FAM3B: variants seen among roughly 807,000 people sequenced by gnomAD.
FAM3B encodes the protein protein FAM3B.
Under a neutral mutation model 28.4 loss-of-function variants are expected in FAM3B, and 29 were observed. That is an observed-to-expected ratio of 1.02 (90% confidence interval 0.76 to 1.39). The LOEUF is 1.39. Among genes scored for constraint, FAM3B ranks in the 40% most tolerant of loss-of-function variants. The pLI is 0.00. For synonymous variants in FAM3B, 91 were observed against 103.0 expected, an observed-to-expected ratio of 0.88 and a Z score of 0.71; for missense variants, 266 against 293.9, an observed-to-expected ratio of 0.91 and a Z score of 0.69.
intron 3 of FAM3B, among the ~76,000 whole-genome samples, chr21:41,340,025 T>C (rs1474241629): frequency 6.6e-6 from 1 of 152,142 alleles, no homozygotes; most frequent in African/African-American, 2.4e-5. Context: ...ATGGGAGGTC[T>C]GCTGGTATCA....
chr21:41,342,681 A>G (rs2089018568), intron 3 of FAM3B, among the ~76,000 whole-genome samples: 1 of 152,188 alleles, frequency 6.6e-6, no homozygotes, highest in Admixed American at 6.5e-5. Context: ...TTCTTTTTAA[A>G]ATCAGCATGT....
At chr21:41,341,352 C>T (rs539441676) in intron 3 of FAM3B, among the ~76,000 whole-genome samples, 32 of 152,182 alleles carry the variant, frequency 2.1e-4, no homozygotes, top group African/African-American at 4.8e-4. Context: ...TATGATAAGG[C>T]GAGCAGTTGT....
intron 1 of FAM3B, among the ~76,000 whole-genome samples, chr21:41,307,530 G>A (rs2088688738): frequency 6.6e-6 from 1 of 152,154 alleles, no homozygotes; most frequent in African/African-American, 2.4e-5. Context: ...GGCCTCTATT[G>A]GCTTTTAATA....
chr21:41,348,963 T>A (rs2089089881), intron 7 of FAM3B, among the ~76,000 whole-genome samples: 1 of 152,256 alleles, frequency 6.6e-6, no homozygotes, highest in Admixed American at 6.5e-5. Flanking sequence ...CAACATGGTC[T>A]GTCCTGGGCC....
chr21:41,353,226 T>C (rs1484965894), intron 7 of FAM3B, among the ~76,000 whole-genome samples: 2 of 152,232 alleles, frequency 1.3e-5, no homozygotes, highest in Non-Finnish European at 2.9e-5. Context: ...AAGATGTCAA[T>C]ACTTTCTTAA....
intron 7 of FAM3B, 133 bp downstream of exon 7, chr21:41,348,857 AT>A: frequency 1.0e-6 from 1 of 976,860 alleles, no homozygotes; most frequent in Non-Finnish European, 1.5e-6. Flanking sequence ...TGAGATCAGC[AT>A]TAGATCCGGA....
chr21:41,342,304 C>T (rs1281548538), intron 3 of FAM3B, among the ~76,000 whole-genome samples: 2 of 152,182 alleles, frequency 1.3e-5, no homozygotes, highest in African/African-American at 2.4e-5. Context: ...AACATTTGTA[C>T]TCCAATGTGT....
chr21:41,326,616 G>A lies in FAM3B; in HGVS notation c.163+3550G>A, dbSNP rs1036889301. On this transcript the variant is annotated intron_variant, in intron 2 of 7. Coordinates refer to ENST00000357985, the MANE Select transcript of FAM3B (RefSeq NM_058186.4). This position sits in a 1 kb window ranked among gnomAD's most constrained non-coding sequence, Gnocchi z 4.0. Reference sequence around the variant, plus strand: ...GGCTGACGGGCTGCCAGGCCCTGGCGTGGGGACCTGCTCGTTCTGCTGCCG... The same window carrying A: ...GGCTGACGGGCTGCCAGGCCCTGGCATGGGGACCTGCTCGTTCTGCTGCCG... Among the ~76,000 whole-genome samples the A allele has an allele frequency of 1.3e-5, 2 of 152,258 alleles. No individual in the cohort carries two copies. The highest frequency in any genetic ancestry group is 6.5e-5 in the Admixed American group (1 of 15,290).
In FAM3B at chr21:41,322,975, G is replaced by A. The variant is rs763100454; in HGVS notation, c.72G>A (p.Ser24=). 5.8e-5 allele frequency: 94 copies of A among 1,612,620 alleles called. No homozygotes were observed. Among genetic ancestry groups the A allele is most frequent in the Non-Finnish European group, 7.1e-5 (84 of 1,180,042 alleles). ...TCGCCTCCTTGTGTGCCTGGTATTC[G>A]GGGTACCTGCTCGCAGAGCTCATTC... The part of the protein sequence containing the change: ...VVFASLCAWY[S]GYLLAELIPD... Residue 24 remains serine, a synonymous_variant, in exon 2 of 8, where the codon TCG becomes TCA. Coordinates refer to ENST00000357985, the MANE Select transcript of FAM3B (RefSeq NM_058186.4).
In FAM3B at chr21:41,349,378, ATGCTGCAGTAACCGG is replaced by A. The variant is rs537843752; in HGVS notation, c.618+673_618+687del. 2.8e-4 allele frequency among the ~76,000 whole-genome samples: 43 copies of A among 152,298 alleles called. No individual in the cohort carries two copies. The East Asian group carries it at 7.4e-3, about 26-fold the overall frequency. On this transcript the variant is annotated intron_variant, in intron 7 of 7. Coordinates refer to ENST00000357985, the MANE Select transcript of FAM3B (RefSeq NM_058186.4). Reference sequence around the variant, plus strand: ...AGAGGGTTCTGCTCTCCAGGAAAAGATGCTGCAGTAACCGGTGCTGCAGTAACCGGTGCAGAAGAG... The same window carrying A: ...AGAGGGTTCTGCTCTCCAGGAAAAGATGCTGCAGTAACCGGTGCAGAAGAG...
chr21:41,346,952 AC>A lies in FAM3B; in HGVS notation c.398-58del, dbSNP rs1348140457. 4.1e-6 allele frequency: 6 copies of A among 1,477,934 alleles called. No individual in the cohort carries two copies. The Admixed American group carries it at 6.7e-5, about 16-fold the overall frequency. The allele number at this position is 1,477,934 out of a possible 1,614,324, so 91.6% of individuals were successfully genotyped here. ...ATGCAGGTGCAGGAGGAAGCCCAGC[AC>A]CCAAGGCAGAGCCTCAGTGAACAGC... On this transcript the variant is annotated intron_variant, in intron 5 of 7. Transcript: ENST00000357985.
intron 2 of FAM3B, among the ~76,000 whole-genome samples, chr21:41,337,752 G>A (rs1395298993): frequency 6.6e-6 from 1 of 151,808 alleles, no homozygotes; most frequent in Non-Finnish European, 1.5e-5. Flanking sequence ...AGTACATGGT[G>A]TGTGTGTGAG....
At chr21:41,332,741 A>G (rs767277903) in intron 2 of FAM3B, among the ~76,000 whole-genome samples, 22 of 152,164 alleles carry the variant, frequency 1.4e-4, no homozygotes, top group Non-Finnish European at 3.1e-4. Context: ...ATTGTCCACA[A>G]TAGTCTCTTA....
In FAM3B at chr21:41,353,722, G is replaced by T. The variant is rs77900581; in HGVS notation, c.619-3386G>T. Among the ~76,000 whole-genome samples the T allele has an allele frequency of 2.4e-3, 363 of 152,248 alleles. 3 individuals carry two copies. Among genetic ancestry groups the T allele is most frequent in the South Asian group, 8.3e-3 (40 of 4,828 alleles). ...ATTAAACTCTTAGAGGAAAACAGAG[G>T]CATAAATTTTTGTGACTTTGGTTTA... On this transcript the variant is annotated intron_variant, in intron 7 of 7. Transcript: ENST00000357985.
chr21:41,356,135 A>G (rs1273173929), intron 7 of FAM3B, among the ~76,000 whole-genome samples: 2 of 151,998 alleles, frequency 1.3e-5, no homozygotes, highest in East Asian at 1.9e-4. Flanking sequence ...ACACTGTCCA[A>G]TATGGTAGCT....
chr21:41,333,292 A>G (rs2088923746), intron 2 of FAM3B, among the ~76,000 whole-genome samples: 1 of 152,114 alleles, frequency 6.6e-6, no homozygotes. Context: ...ACCAAATCTC[A>G]TGTTGAATTG....
At chr21:41,336,546 TA>T (rs2088957604) in intron 2 of FAM3B, among the ~76,000 whole-genome samples, 1 of 152,156 alleles carries the variant, frequency 6.6e-6, no homozygotes, top group African/African-American at 2.4e-5. Flanking sequence ...GTTTAAGAAA[TA>T]AATTTGTGTT....
At chr21:41,354,070 A>T (rs1037742497) in intron 7 of FAM3B, among the ~76,000 whole-genome samples, 1 of 152,248 alleles carries the variant, frequency 6.6e-6, no homozygotes, top group African/African-American at 2.4e-5. Flanking sequence ...AGAAATGCAC[A>T]TCAAAACCAT....
rs1049771600 is a variant in FAM3B at position 41,344,298 on chromosome 21, A to T, written c.288-178A>T. Among the ~76,000 whole-genome samples, 10 of 152,330 alleles carry T rather than the reference A, an allele frequency of 6.6e-5. 1 individual carries two copies. The highest frequency in any genetic ancestry group is 1.9e-4 in the East Asian group (1 of 5,190). ...CTGAGTCTGTAGACACTGAGAATAG[A>T]TGTGTGTGGATGAACATGGGGGTGG... is the stretch of plus-strand genomic sequence containing the variant. On this transcript the variant is annotated intron_variant, in intron 3 of 7. Coordinates refer to ENST00000357985, the MANE Select transcript of FAM3B (RefSeq NM_058186.4).
Sources: allele counts gnomAD v4.1 joint callset (sites outside exome capture counted in the v4.1 genomes callset), GRCh38; gene constraint gnomAD v4.1.1; non-coding constraint Gnocchi (gnomAD v3.1); transcripts MANE v1.5; gene names NCBI Gene and HGNC (gene_info 2026-07-23, HGNC 2026-07-21).